The following KRTAP29-1 variants were observed in gnomAD, a reference collection of about 807,000 sequenced individuals.
KRTAP29-1 encodes the protein keratin-associated protein 29-1.
For missense variants in KRTAP29-1, 419 were observed against 412.1 expected, an observed-to-expected ratio of 1.02 and a Z score of -0.14; for synonymous variants, 142 against 153.6, an observed-to-expected ratio of 0.92 and a Z score of 0.56.
rs1198220020 is a variant in KRTAP29-1, at chr17:41,302,844, T to C, written c.8A>G (p.Asp3Gly). 4.5e-6 allele frequency: 7 copies of C among 1,546,396 alleles called. No individual in the cohort carries two copies. Among genetic ancestry groups the C allele is most frequent in the Admixed American group, 3.9e-5 (2 of 50,882 alleles). Residue 3 changes from aspartate (D) to glycine (G), a missense_variant, in exon 1 of 1, where the codon GAC (aspartate) becomes GGC (glycine). By Grantham distance (94) the Asp-to-Gly change is moderately conservative. Coordinates refer to ENST00000391353, the MANE Select transcript of KRTAP29-1 (RefSeq NM_001257309.1). ...TGTGGTGTTTCCAGGACAACAGCCG[T>C]CTGCCATGGTGCTGGTGCTGACCTT... MA[D>G]GCCPGNTTAI...
rs2016847574 is a variant in KRTAP29-1 at position 41,302,557 on chromosome 17, A to G, written c.295T>C (p.Ser99Pro). ...AACYQSGTGQSPCLVSSCQPS... is the reference protein window; with the variant it reads ...AACYQSGTGQPPCLVSSCQPS... ...TGACATGAGCTAACCAGACAAGGAGACTGACCAGTGCCAGACTGATAGCAG... is the reference window on the plus strand; with the variant it reads ...TGACATGAGCTAACCAGACAAGGAGGCTGACCAGTGCCAGACTGATAGCAG... The change falls in exon 1 of 1, where the codon TCT becomes CCT. Residue 99 changes from serine (S) to proline (P), a missense_variant. Coordinates refer to ENST00000391353, the MANE Select transcript of KRTAP29-1 (RefSeq NM_001257309.1). 3 of 1,550,634 alleles carry G rather than the reference A, an allele frequency of 1.9e-6. No individual in the cohort carries two copies. Among genetic ancestry groups the G allele is most frequent in the Non-Finnish European group, 2.6e-6 (3 of 1,146,996 alleles).
In KRTAP29-1 at chr17:41,302,789, T is replaced by TGTGGTGATGGTGGGCACAGCTGGA. The variant is rs1345010871; in HGVS notation, c.39_62dup (p.Pro14_Thr21dup). The TGTGGTGATGGTGGGCACAGCTGGA allele has an allele frequency of 5.8e-6, 9 of 1,550,798 alleles. No homozygotes were observed. The highest frequency in any genetic ancestry group is 7.8e-6 in the Non-Finnish European group (9 of 1,147,042). ...GTCGAAATCCACCTTTAACTGGGTATGTGGTGATGGTGGGCACAGCTGGAA... is the reference window on the plus strand; with the variant it reads ...GTCGAAATCCACCTTTAACTGGGTATGTGGTGATGGTGGGCACAGCTGGAGTGGTGATGGTGGGCACAGCTGGAA... On this transcript the variant is annotated inframe_insertion, in exon 1 of 1. Coordinates refer to ENST00000391353, the MANE Select transcript of KRTAP29-1 (RefSeq NM_001257309.1).
At position 41,302,528 on chromosome 17, in the gene KRTAP29-1, T is replaced by A. The variant is rs758312541; in HGVS notation, c.324A>T (p.Pro108=). ...QSPCLVSSCQ[P]SCSESTCCQE... Reference sequence around the variant, plus strand: ...GACAACAAGTAGATTCCGAGCAGGATGGCTGACATGAGCTAACCAGACAAG... The same window carrying A: ...GACAACAAGTAGATTCCGAGCAGGAAGGCTGACATGAGCTAACCAGACAAG... The change falls in exon 1 of 1, where the codon CCA becomes CCT. Residue 108 remains proline, a synonymous_variant. Transcript: ENST00000391353. The A allele has an allele frequency of 2.8e-5, 43 of 1,550,422 alleles. No individual in the cohort carries two copies. The highest frequency in any genetic ancestry group is 4.4e-6 in the Non-Finnish European group (5 of 1,146,968).
rs1396641995 is a variant in KRTAP29-1 at position 41,302,527 on chromosome 17, A to G, written c.325T>C (p.Ser109Pro). The change falls in exon 1 of 1, where the codon TCC (serine) becomes CCC (proline). Residue 109 changes from serine (S) to proline (P), a missense_variant. By Grantham distance (74) the Ser-to-Pro change is moderately conservative (BLOSUM62 -1). Transcript: ENST00000391353. The part of the protein sequence containing the change: ...SPCLVSSCQP[S>P]CSESTCCQEK... Reference sequence around the variant, plus strand: ...TGACAACAAGTAGATTCCGAGCAGGATGGCTGACATGAGCTAACCAGACAA... The same window carrying G: ...TGACAACAAGTAGATTCCGAGCAGGGTGGCTGACATGAGCTAACCAGACAA... The G allele has an allele frequency of 5.8e-6, 9 of 1,550,574 alleles. No homozygotes were observed. The highest frequency in any genetic ancestry group is 6.1e-6 in the Non-Finnish European group (7 of 1,146,984).
rs140240190 is a variant in KRTAP29-1, at chr17:41,302,004, T to A, written c.848A>T (p.Asp283Val). 2,881 of 1,550,510 alleles carry A rather than the reference T, an allele frequency of 1.9e-3. 13 individuals are homozygous for A. Among genetic ancestry groups the A allele is most frequent in the South Asian group, 7.1e-3 (594 of 84,048 alleles). ...AGTTGGTTGGCCAGAAATCACAGTGTCACAAGAAGCTGGTTTGCAACAGTT... is the reference window on the plus strand; with the variant it reads ...AGTTGGTTGGCCAGAAATCACAGTGACACAAGAAGCTGGTTTGCAACAGTT... ...TKNCCKPASC[D>V]TVISGQPTCD... Residue 283 changes from aspartate (D) to valine (V), a missense_variant, in exon 1 of 1, where the codon GAC becomes GTC. Asp to Val is a radical substitution (Grantham distance 152). Transcript: ENST00000391353.
At chr17:41,302,339 G>T in the KRTAP29-1 span, 1 of 1,549,192 alleles carries the variant, frequency 6.5e-7, no homozygotes, top group Non-Finnish European at 8.7e-7. Flanking sequence ...TGGTTGGTAG[G>T]CAAGAAGTTT....
chr17:41,302,276 T>C lies in KRTAP29-1; in HGVS notation c.576A>G (p.Gln192=), dbSNP rs1398151892. 1.3e-6 allele frequency: 2 copies of C among 1,550,248 alleles called. No individual in the cohort carries two copies. The highest frequency in any genetic ancestry group is 1.7e-6 in the Non-Finnish European group (2 of 1,146,964). The part of the protein sequence containing the change: ...QPTWCQGSSC[Q]PVSGEGQPCK... Reference sequence around the variant, plus strand: ...AGGGCTGGCCTTCACCACTGACGGGTTGACATGAACTTCCTTGGCACCAAG... The same window carrying C: ...AGGGCTGGCCTTCACCACTGACGGGCTGACATGAACTTCCTTGGCACCAAG... The change falls in exon 1 of 1, where the codon CAA becomes CAG. Residue 192 remains glutamine (Q), a synonymous_variant. Transcript: ENST00000391353.
Position 41,302,716 on chromosome 17 carries a change from C to T in KRTAP29-1, c.136G>A (p.Val46Ile). 1 of 1,550,682 alleles carries T rather than the reference C, an allele frequency of 6.4e-7. No homozygotes were observed. Among genetic ancestry groups the T allele is most frequent in the Non-Finnish European group, 8.7e-7 (1 of 1,147,018 alleles). Residue 46 changes from valine (V) to isoleucine (I), a missense_variant, in exon 1 of 1, where the codon GTC becomes ATC. Physicochemically the swap from Val to Ile is conservative, Grantham distance 29. Coordinates refer to ENST00000391353, the MANE Select transcript of KRTAP29-1 (RefSeq NM_001257309.1). Reference sequence around the variant, plus strand: ...GGCTGACAGCTTTCTTGGCATGTGACCAGTTGCCACATTCTGCTGTGGCAG... The same window carrying T: ...GGCTGACAGCTTTCTTGGCATGTGATCAGTTGCCACATTCTGCTGTGGCAG... Reference protein sequence around the residue: ...SSCHSRMWQLVTCQESCQPSI... With the variant: ...SSCHSRMWQLITCQESCQPSI...
At position 41,302,010 on chromosome 17, in the gene KRTAP29-1, G is replaced by A. The variant is rs1401272685; in HGVS notation, c.842C>T (p.Ser281Phe). 50 of 1,550,510 alleles carry A rather than the reference G, an allele frequency of 3.2e-5. No homozygotes were observed. Among genetic ancestry groups the A allele is most frequent in the Non-Finnish European group, 3.7e-5 (43 of 1,147,010 alleles). ...CSTKNCCKPA[S>F]CDTVISGQPT... ...TTGGCCAGAAATCACAGTGTCACAA[G>A]AAGCTGGTTTGCAACAGTTCTTTGT... The change falls in exon 1 of 1, where the codon TCT (serine) becomes TTT (phenylalanine). Residue 281 changes from serine to phenylalanine, a missense_variant. Coordinates refer to ENST00000391353, the MANE Select transcript of KRTAP29-1 (RefSeq NM_001257309.1).
chr17:41,302,292 T>C lies in KRTAP29-1; in HGVS notation c.560A>G (p.Gln187Arg), dbSNP rs557453911. Residue 187 changes from glutamine (Q) to arginine (R), a missense_variant, in exon 1 of 1, where the codon CAA (glutamine) becomes CGA (arginine). Physicochemically the swap from Gln to Arg is conservative, Grantham distance 43 (BLOSUM62 1). Coordinates refer to ENST00000391353, the MANE Select transcript of KRTAP29-1 (RefSeq NM_001257309.1). ...ACTGACGGGTTGACATGAACTTCCT[T>C]GGCACCAAGTTGGTTGGCATGGACT... The part of the protein sequence containing the change: ...TASPCQPTWC[Q>R]GSSCQPVSGE... 8.1e-5 allele frequency: 126 copies of C among 1,550,490 alleles called. No homozygotes were observed. In the Admixed American group the frequency reaches 2.4e-3, roughly 30 times the overall value.
Position 41,302,571 on chromosome 17 carries a change from G to C in KRTAP29-1, c.281C>G (p.Ser94Cys). 1 of 1,550,686 alleles carries C rather than the reference G, an allele frequency of 6.4e-7. No individual in the cohort carries two copies. The highest frequency in any genetic ancestry group is 8.7e-7 in the Non-Finnish European group (1 of 1,147,008). The change falls in exon 1 of 1, where the codon TCT (serine) becomes TGT (cysteine). Residue 94 changes from serine to cysteine, a missense_variant. By Grantham distance (112) the Ser-to-Cys change is moderately radical. Transcript: ENST00000391353. ...CAGACAAGGAGACTGACCAGTGCCA[G>C]ACTGATAGCAGGCTGCGTGGGAGCA... ...PMCSHAACYQSGTGQSPCLVS... is the reference protein window; with the variant it reads ...PMCSHAACYQCGTGQSPCLVS...
chr17:41,301,972 C>T lies in KRTAP29-1; in HGVS notation c.880G>A (p.Gly294Arg). Reference protein sequence around the residue: ...TVISGQPTCDGPPSYNQSGCK... With the variant: ...TVISGQPTCDRPPSYNQSGCK... ...CCACTCTGGTTATAGGAAGGGGGTC[C>T]ATCACAAGTTGGTTGGCCAGAAATC... The change falls in exon 1 of 1, where the codon GGA becomes AGA. Residue 294 changes from glycine (G) to arginine (R), a missense_variant. Transcript: ENST00000391353. 6.4e-7 allele frequency: 1 copy of T among 1,550,534 alleles called. No homozygotes were observed. The highest frequency in any genetic ancestry group is 1.4e-5 in the African/African-American group (1 of 73,142).
chr17:41,302,146 A>T lies in KRTAP29-1; in HGVS notation c.706T>A (p.Cys236Ser). 3 of 1,550,698 alleles carry T rather than the reference A, an allele frequency of 1.9e-6. No individual in the cohort carries two copies. Among genetic ancestry groups the T allele is most frequent in the Non-Finnish European group, 1.7e-6 (2 of 1,147,010 alleles). The stretch of plus-strand genomic sequence containing the variant: ...GAAGGCACACAGCAAGTAGTATTGC[A>T]AGAACTGAACACACAAGTCGATGGC... ...CQPSTCVFSSCNTTCCVPSHC... is the reference protein window; with the variant it reads ...CQPSTCVFSSSNTTCCVPSHC... Residue 236 changes from cysteine to serine, a missense_variant, in exon 1 of 1, where the codon TGC becomes AGC. By Grantham distance (112) the Cys-to-Ser change is moderately radical. Coordinates refer to ENST00000391353, the MANE Select transcript of KRTAP29-1 (RefSeq NM_001257309.1).
At position 41,302,602 on chromosome 17, in the gene KRTAP29-1, G is replaced by T; in HGVS notation, c.250C>A (p.Pro84Thr). 6.4e-7 allele frequency: 1 copy of T among 1,550,632 alleles called. No individual in the cohort carries two copies. Among genetic ancestry groups the T allele is most frequent in the East Asian group, 2.4e-5 (1 of 40,924 alleles). Reference sequence around the variant, plus strand: ...TAGCAGGCTGCGTGGGAGCACATAGGTTGGCAAACAAAACCCACACAAGAC... The same window carrying T: ...TAGCAGGCTGCGTGGGAGCACATAGTTTGGCAAACAAAACCCACACAAGAC... ...ATSCVGFVCQ[P>T]MCSHAACYQS... is the part of the protein sequence containing the mutation. The change falls in exon 1 of 1, where the codon CCT (proline) becomes ACT (threonine). Residue 84 changes from proline to threonine, a missense_variant. Coordinates refer to ENST00000391353, the MANE Select transcript of KRTAP29-1 (RefSeq NM_001257309.1).
chr17:41,302,833 G>C lies in KRTAP29-1; in HGVS notation c.19C>G (p.Pro7Ala). 1 of 1,548,126 alleles carries C rather than the reference G, an allele frequency of 6.5e-7. No individual in the cohort carries two copies. The highest frequency in any genetic ancestry group is 8.7e-7 in the Non-Finnish European group (1 of 1,145,110). ...GCTGGAATGGCTGTGGTGTTTCCAG[G>C]ACAACAGCCGTCTGCCATGGTGCTG... is the stretch of plus-strand genomic sequence containing the variant. MADGCC[P>A]GNTTAIPAVP... Residue 7 changes from proline (P) to alanine (A), a missense_variant, in exon 1 of 1, where the codon CCT becomes GCT. By Grantham distance (27) the Pro-to-Ala change is conservative. Coordinates refer to ENST00000391353, the MANE Select transcript of KRTAP29-1 (RefSeq NM_001257309.1).
chr17:41,302,208 G>A lies in KRTAP29-1; in HGVS notation c.644C>T (p.Pro215Leu). 3 of 1,550,524 alleles carry A rather than the reference G, an allele frequency of 1.9e-6. No homozygotes were observed. Among genetic ancestry groups the A allele is most frequent in the South Asian group, 2.4e-5 (2 of 84,050 alleles). ...YYQPICYIFK[P>L]CQSALYMPVP... ...AGGCATGTAGAGGGCTGATTGGCAA[G>A]GCTTGAAAATATAGCAGATGGGTTG... is the stretch of plus-strand genomic sequence containing the variant. The change falls in exon 1 of 1, where the codon CCT becomes CTT. Residue 215 changes from proline (P) to leucine (L), a missense_variant. By Grantham distance (98) the Pro-to-Leu change is moderately conservative. Coordinates refer to ENST00000391353, the MANE Select transcript of KRTAP29-1 (RefSeq NM_001257309.1).
chr17:41,301,932 C>A lies in KRTAP29-1; in HGVS notation c.920G>T (p.Cys307Phe). Residue 307 changes from cysteine (C) to phenylalanine (F), a missense_variant, in exon 1 of 1, where the codon TGC becomes TTC. Physicochemically the swap from Cys to Phe is radical, Grantham distance 205. Transcript: ENST00000391353. ...TGATGTGCCTAAACCAGTCACACAG[C>A]AAGCTGATTTGCAGCCACTCTGGTT... ...SYNQSGCKSACCVTGLGTSPS... is the reference protein window; with the variant it reads ...SYNQSGCKSAFCVTGLGTSPS... 1 of 1,550,588 alleles carries A rather than the reference C, an allele frequency of 6.4e-7. No individual in the cohort carries two copies. Among genetic ancestry groups the A allele is most frequent in the Non-Finnish European group, 8.7e-7 (1 of 1,147,000 alleles).
chr17:41,301,857 T>C lies in KRTAP29-1; in HGVS notation c.995A>G (p.Glu332Gly), dbSNP rs1037427345. The change falls in exon 1 of 1, where the codon GAG (glutamate) becomes GGG (glycine). Residue 332 changes from glutamate (E) to glycine (G), a missense_variant. Physicochemically the swap from Glu to Gly is moderately conservative, Grantham distance 98 (BLOSUM62 -2). Transcript: ENST00000391353. ...CLPTSCQPSC[E>G]SSFCKATLC ...AAGTGTTGCCTTGCAGAAGCTGGAC[T>C]CACAGCTGGGTTGGCATGAAGTCGG... The C allele has an allele frequency of 2.2e-5, 34 of 1,550,394 alleles. No individual in the cohort carries two copies. The highest frequency in any genetic ancestry group is 4.1e-5 in the African/African-American group (3 of 73,018).
chr17:41,302,559 T>C lies in KRTAP29-1; in HGVS notation c.293A>G (p.Gln98Arg). Residue 98 changes from glutamine (Q) to arginine (R), a missense_variant, in exon 1 of 1, where the codon CAG (glutamine) becomes CGG (arginine). Physicochemically the swap from Gln to Arg is conservative, Grantham distance 43. Transcript: ENST00000391353. ...ACATGAGCTAACCAGACAAGGAGAC[T>C]GACCAGTGCCAGACTGATAGCAGGC... ...HAACYQSGTGQSPCLVSSCQP... is the reference protein window; with the variant it reads ...HAACYQSGTGRSPCLVSSCQP... The C allele has an allele frequency of 1.9e-6, 3 of 1,550,636 alleles. No individual in the cohort carries two copies. The highest frequency in any genetic ancestry group is 8.7e-7 in the Non-Finnish European group (1 of 1,146,998).
Sources: allele counts gnomAD v4.1 joint callset, GRCh38; gene constraint gnomAD v4.1.1; transcripts MANE v1.5; gene names NCBI Gene and HGNC (gene_info 2026-07-23, HGNC 2026-07-21).